Variants in BCKDHB observed in about 807,000 individuals in gnomAD.
BCKDHB encodes 2-oxoisovalerate dehydrogenase subunit beta, mitochondrial.
Under a neutral mutation model 48.5 loss-of-function variants are expected in BCKDHB, and 41 were observed. That is an observed-to-expected ratio of 0.85 (90% CI 0.66 to 1.10). The LOEUF (loss-of-function observed/expected upper bound fraction) is 1.10. Ranked by LOEUF, BCKDHB falls within the 50% of genes least tolerant of loss-of-function variation. The pLI is 0.00. For synonymous variants in BCKDHB, 201 were observed against 174.8 expected (o/e 1.15, Z -1.18); for missense variants, 496 against 494.2 (o/e 1.00, Z -0.03).
intron 9 of BCKDHB, among the ~76,000 whole-genome samples, chr6:80,306,067 GA>G (rs1009662389): frequency 1.9e-4 from 29 of 152,126 alleles, no homozygotes; most frequent in African/African-American, 7.0e-4. Flanking sequence ...AAGATTAAGT[GA>G]ATTAATACAT....
At chr6:80,239,796 G>A (rs2127909315) in intron 8 of BCKDHB, among the ~76,000 whole-genome samples, 2 of 152,256 alleles carry the variant, frequency 1.3e-5, no homozygotes, top group Middle Eastern at 3.4e-3. Flanking sequence ...GTAAGGAAGG[G>A]ATCCAGTTTC....
At chr6:80,411,450 T>C in the BCKDHB span, among the ~76,000 whole-genome samples, 62 of 152,344 alleles carry the variant, frequency 4.1e-4, no homozygotes, top group African/African-American at 1.3e-3. Flanking sequence ...TTCTGTCTGT[T>C]CTCAGAGCTC....
chr6:80,166,724 C>A (rs1409667168), intron 3 of BCKDHB, among the ~76,000 whole-genome samples: 1 of 151,754 alleles, frequency 6.6e-6, no homozygotes, highest in Admixed American at 6.6e-5. Context: ...AACTTAATTA[C>A]ACTATGGTCA....
chr6:80,249,534 C>G (rs1009876553), intron 8 of BCKDHB, among the ~76,000 whole-genome samples: 15 of 152,080 alleles, frequency 9.9e-5, no homozygotes, highest in African/African-American at 3.6e-4. Context: ...GTGACCAGGA[C>G]ATGTTGTACT....
chr6:80,132,718 C>T (rs540263229), intron 3 of BCKDHB, among the ~76,000 whole-genome samples: 100 of 152,200 alleles, frequency 6.6e-4, no homozygotes, highest in African/African-American at 2.3e-3. Flanking sequence ...TGAAGTTACA[C>T]TTTATTAATT....
intron 9 of BCKDHB, among the ~76,000 whole-genome samples, chr6:80,301,588 G>A (rs1767584524): frequency 1.3e-5 from 2 of 152,050 alleles, no homozygotes; most frequent in South Asian, 4.2e-4. Context: ...ACAAAGAACT[G>A]GTACCAATCC....
chr6:80,141,789 AG>A (rs1771228008), intron 3 of BCKDHB, among the ~76,000 whole-genome samples: 1 of 152,142 alleles, frequency 6.6e-6, no homozygotes, highest in Admixed American at 6.6e-5. Context: ...GTATTAGAAA[AG>A]TAAAAGATCT....
chr6:80,302,164 A>G (rs1767617722), intron 9 of BCKDHB, among the ~76,000 whole-genome samples: 1 of 152,186 alleles, frequency 6.6e-6, no homozygotes, highest in Non-Finnish European at 1.5e-5. Context: ...ATCAGGCAAG[A>G]GAAAGAAATA....
chr6:80,296,040 G>A (rs1216900883), intron 9 of BCKDHB, among the ~76,000 whole-genome samples: 1 of 152,246 alleles, frequency 6.6e-6, no homozygotes, highest in Non-Finnish European at 1.5e-5. Context: ...AATGTTTGAA[G>A]CAAAGTCAAC....
At chr6:80,445,552 A>G in the BCKDHB span, among the ~76,000 whole-genome samples, 1 of 152,162 alleles carries the variant, frequency 6.6e-6, no homozygotes, top group Non-Finnish European at 1.5e-5. Context: ...ATATATCTGT[A>G]TCTATTATTA....
the BCKDHB span, among the ~76,000 whole-genome samples, chr6:80,357,868 T>TA: frequency 6.6e-6 from 1 of 152,334 alleles, no homozygotes; most frequent in South Asian, 2.1e-4. Context: ...TTTGCCAACT[T>TA]ACATCTCCTG....
At chr6:80,338,279 C>T (rs1306883422) in intron 9 of BCKDHB, among the ~76,000 whole-genome samples, 1 of 152,228 alleles carries the variant, frequency 6.6e-6, no homozygotes, top group Non-Finnish European at 1.5e-5. Context: ...ACGTTCATTA[C>T]ATCCAGTTGT....
chr6:80,267,000 C>A (rs1461463440), intron 8 of BCKDHB, among the ~76,000 whole-genome samples: 2 of 151,842 alleles, frequency 1.3e-5, no homozygotes, highest in Non-Finnish European at 2.9e-5. Flanking sequence ...ACCCCCCGCC[C>A]ATGAAAAAAA....
At chr6:80,324,735 T>G (rs968637236) in intron 9 of BCKDHB, among the ~76,000 whole-genome samples, 3 of 152,174 alleles carry the variant, frequency 2.0e-5, no homozygotes, top group African/African-American at 7.2e-5. Context: ...CTGCTCCCTC[T>G]GCTCCTCGTC....
At chr6:80,430,354 G>A in the BCKDHB span, among the ~76,000 whole-genome samples, 2 of 152,108 alleles carry the variant, frequency 1.3e-5, no homozygotes, top group African/African-American at 4.8e-5. Context: ...GCCAGGCTTG[G>A]TATCAGGATG....
At chr6:80,141,547 T>G (rs975408504) in intron 3 of BCKDHB, among the ~76,000 whole-genome samples, 10 of 152,126 alleles carry the variant, frequency 6.6e-5, no homozygotes, top group Admixed American at 2.0e-4. Context: ...TCAGTCAGAA[T>G]GTAATGACCT....
intron 8 of BCKDHB, among the ~76,000 whole-genome samples, chr6:80,242,218 C>A (rs1163036881): frequency 6.6e-6 from 1 of 151,934 alleles, no homozygotes; most frequent in Non-Finnish European, 1.5e-5. Context: ...TTTAATCATA[C>A]TTGATATATT....
intron 8 of BCKDHB, among the ~76,000 whole-genome samples, chr6:80,218,035 C>T (rs1057170559): frequency 2.6e-5 from 4 of 152,134 alleles, no homozygotes; most frequent in South Asian, 4.1e-4. Flanking sequence ...CTTGAGTCAG[C>T]GCTGTGGCTC....
chr6:80,423,678 C>T, the BCKDHB span, among the ~76,000 whole-genome samples: 1,151 of 152,286 alleles, frequency 7.6e-3, 21 homozygotes, highest in African/African-American at 0.026. Flanking sequence ...CTGCTCTATT[C>T]TTGCTGAGTC....
Sources: gnomAD v4.1 joint callset for allele counts (sites outside exome capture counted in the v4.1 genomes callset) on GRCh38, gnomAD v4.1.1 for gene constraint, MANE v1.5 for transcripts, NCBI Gene and HGNC (gene_info 2026-07-23, HGNC 2026-07-21) for gene names.